P3H2: variants seen among roughly 807,000 people sequenced by gnomAD.
P3H2 encodes prolyl 3-hydroxylase 2.
A neutral mutation model predicts 87.0 loss-of-function variants in P3H2; 80 were observed. That is an observed-to-expected ratio of 0.92 (90% CI 0.77 to 1.11). The LOEUF (loss-of-function observed/expected upper bound fraction) is 1.11, where lower values mean the gene tolerates loss of function less well. Ranked by LOEUF, P3H2 falls within the 50% of genes least tolerant of loss-of-function variation. P3H2 has a pLI of 0.00. For missense variants in P3H2, 1,001 were observed against 923.9 expected (o/e 1.08, Z -1.08); for synonymous variants, 367 against 359.3 (o/e 1.02, Z -0.24).
chr3:190,120,226 G>T (rs1712486597), intron 1 of P3H2, 26 bp downstream of exon 1: 6 of 1,604,568 alleles, frequency 3.7e-6, no homozygotes, highest in Non-Finnish European at 5.1e-6. Context: ...CAGGGGCTTT[G>T]CAGTGGAGGA....
At chr3:189,994,778 C>T (rs1719597) in intron 2 of P3H2, among the ~76,000 whole-genome samples, 1 of 148,820 alleles carries the variant, frequency 6.7e-6, no homozygotes, top group South Asian at 2.1e-4. Context: ...AGGCTTTCAA[C>T]ATGTGATTTC....
At chr3:190,065,932 T>C (rs1451839081) in intron 1 of P3H2, among the ~76,000 whole-genome samples, 3 of 152,120 alleles carry the variant, frequency 2.0e-5, no homozygotes, top group Non-Finnish European at 2.9e-5. Context: ...AGAAGAATTT[T>C]TAAATTTCCA....
At chr3:190,100,260 CCA>C (rs1491556727) in intron 1 of P3H2, among the ~76,000 whole-genome samples, 31 of 141,022 alleles carry the variant, frequency 2.2e-4, no homozygotes, top group African/African-American at 7.3e-4. Context: ...GCCCCCCCCC[CCA>C]AAAAAAACAC....
At chr3:190,003,370 T>C (rs796871378) in intron 1 of P3H2, among the ~76,000 whole-genome samples, 3 of 152,280 alleles carry the variant, frequency 2.0e-5, no homozygotes, top group East Asian at 3.9e-4. Flanking sequence ...ATCAGCTTTC[T>C]AGAAGATTTC....
At chr3:190,105,665 C>T (rs1309726676) in intron 1 of P3H2, among the ~76,000 whole-genome samples, 1 of 152,146 alleles carries the variant, frequency 6.6e-6, no homozygotes, top group African/African-American at 2.4e-5. Context: ...ATGTCCATTG[C>T]ATTTTATATT....
intron 3 of P3H2, among the ~76,000 whole-genome samples, chr3:189,990,041 C>A (rs1307123328): frequency 6.6e-6 from 1 of 150,938 alleles, no homozygotes; most frequent in Non-Finnish European, 1.5e-5. Context: ...CATAGCTGTG[C>A]AATTTAATTT....
intron 1 of P3H2, among the ~76,000 whole-genome samples, chr3:190,081,037 G>A (rs1438793955): frequency 2.0e-5 from 3 of 152,196 alleles, no homozygotes; most frequent in Non-Finnish European, 2.9e-5. Context: ...CAGATACTCT[G>A]AGCAAACCCT....
chr3:190,068,116 T>G (rs1477474036), intron 1 of P3H2, among the ~76,000 whole-genome samples: 1 of 152,122 alleles, frequency 6.6e-6, no homozygotes, highest in Non-Finnish European at 1.5e-5. Context: ...GATAGTATAA[T>G]CTCATGTCTG....
chr3:190,092,680 C>T (rs571127863), intron 1 of P3H2, among the ~76,000 whole-genome samples: 16 of 152,056 alleles, frequency 1.1e-4, no homozygotes, highest in Non-Finnish European at 1.8e-4. Context: ...TGGTATGTGC[C>T]CTTTTATTTT....
chr3:190,023,261 G>T (rs2108941963), intron 1 of P3H2, among the ~76,000 whole-genome samples: 2 of 152,328 alleles, frequency 1.3e-5, no homozygotes, highest in South Asian at 4.1e-4. Context: ...GCCGTTTTGG[G>T]AATGGAGGTA....
At chr3:190,104,787 G>T (rs757015322) in intron 1 of P3H2, among the ~76,000 whole-genome samples, 22 of 152,218 alleles carry the variant, frequency 1.4e-4, no homozygotes, top group African/African-American at 5.3e-4. Flanking sequence ...GTCATCTCAT[G>T]GAGACAAGAG....
At chr3:190,118,341 A>C (rs548621306) in intron 1 of P3H2, among the ~76,000 whole-genome samples, 1 of 151,878 alleles carries the variant, frequency 6.6e-6, no homozygotes, top group African/African-American at 2.4e-5. Context: ...CTAACCTTAC[A>C]TCCGAGACTC....
At chr3:189,990,597 C>T (rs1416306407) in intron 3 of P3H2, among the ~76,000 whole-genome samples, 2 of 152,142 alleles carry the variant, frequency 1.3e-5, no homozygotes, top group Admixed American at 6.5e-5. Flanking sequence ...TAACTGCATT[C>T]AGCAGCCATT....
intron 1 of P3H2, among the ~76,000 whole-genome samples, chr3:190,112,277 C>T (rs149677146): frequency 6.6e-6 from 1 of 152,174 alleles, no homozygotes. Flanking sequence ...ATTTTCCCAT[C>T]CATAAAATGC....
At chr3:190,047,579 T>C (rs149590257) in intron 1 of P3H2, among the ~76,000 whole-genome samples, 8 of 152,284 alleles carry the variant, frequency 5.3e-5, no homozygotes, top group African/African-American at 1.4e-4. Context: ...AATAATATTC[T>C]CGTGTGTATA....
At chr3:189,969,365 T>A (rs1723101935) in intron 13 of P3H2, 1 of 819,642 alleles carries the variant, frequency 1.2e-6, no homozygotes, top group Non-Finnish European at 2.1e-6. Context: ...GTGACCATTG[T>A]CCCCTTTGAA....
chr3:190,062,079 A>T (rs1726348070), intron 1 of P3H2, among the ~76,000 whole-genome samples: 1 of 152,104 alleles, frequency 6.6e-6, no homozygotes, highest in Admixed American at 6.6e-5. Flanking sequence ...TCAACAGGCA[A>T]AATCAAAGAT....
chr3:190,029,998 G>A (rs1217764682), intron 1 of P3H2, among the ~76,000 whole-genome samples: 10 of 116,812 alleles, frequency 8.6e-5, no homozygotes, highest in Middle Eastern at 3.7e-3. Flanking sequence ...GTTAAACTCC[G>A]TCTCAAAAAA....
At chr3:190,034,438 C>T (rs1441092891) in intron 1 of P3H2, among the ~76,000 whole-genome samples, 2 of 149,080 alleles carry the variant, frequency 1.3e-5, no homozygotes, top group African/African-American at 4.8e-5. Context: ...TGCAGTATTG[C>T]ACAGTTTCAG....
Sources: gnomAD v4.1 joint callset for allele counts (sites outside exome capture counted in the v4.1 genomes callset) on GRCh38, gnomAD v4.1.1 for gene constraint, MANE v1.5 for transcripts, NCBI Gene and HGNC (gene_info 2026-07-23, HGNC 2026-07-21) for gene names.